CORIN: variants seen among roughly 807,000 people sequenced by gnomAD.
The protein encoded by CORIN is atrial natriuretic peptide-converting enzyme.
CORIN carries 117 observed loss-of-function variants against 125.3 expected under a neutral mutation model. The observed-to-expected ratio is 0.93, with a 90% confidence interval of 0.80 to 1.09. The LOEUF is 1.09. Ranked by LOEUF, CORIN falls within the 50% of genes least tolerant of loss-of-function variation. The probability of loss-of-function intolerance (pLI) is 0.00; values close to 1 mark genes in which losing one functional copy is unlikely to be tolerated. For missense variants in CORIN, 1,253 were observed against 1,306.7 expected, an observed-to-expected ratio of 0.96 and a Z score of 0.63; for synonymous variants, 450 against 466.4, an observed-to-expected ratio of 0.96 and a Z score of 0.45.
intron 1 of CORIN, among the ~76,000 whole-genome samples, chr4:47,823,839 C>T (rs1732624133): frequency 6.6e-6 from 1 of 152,200 alleles, no homozygotes; most frequent in African/African-American, 2.4e-5. Flanking sequence ...TCTGCCCTGG[C>T]TCTCCTATGC....
intron 3 of CORIN, among the ~76,000 whole-genome samples, chr4:47,777,560 G>T (rs1730356451): frequency 6.6e-6 from 1 of 152,210 alleles, no homozygotes; most frequent in South Asian, 2.1e-4. Context: ...GAACTCAGGA[G>T]GTGGAGGTTG....
At chr4:47,667,035 G>A (rs1034518429) in intron 10 of CORIN, among the ~76,000 whole-genome samples, 1 of 152,164 alleles carries the variant, frequency 6.6e-6, no homozygotes, top group African/African-American at 2.4e-5. Flanking sequence ...TTGTGGGAGG[G>A]AGCCAGTGGG....
chr4:47,765,204 G>C (rs576368041), intron 3 of CORIN, among the ~76,000 whole-genome samples: 3 of 151,828 alleles, frequency 2.0e-5, no homozygotes, highest in Non-Finnish European at 2.9e-5. Context: ...GCGTGGTGGC[G>C]GGAGGCTGAG....
At chr4:47,786,544 AAAC>A (rs969631959) in intron 3 of CORIN, among the ~76,000 whole-genome samples, 178 bp downstream of exon 3, 15 of 151,864 alleles carry the variant, frequency 9.9e-5, no homozygotes, top group Non-Finnish European at 1.6e-4. Context: ...TCCGCCTGAA[AAAC>A]AACAACAACA....
At chr4:47,688,337 C>T (rs755964001) in intron 6 of CORIN, among the ~76,000 whole-genome samples, 20 of 152,252 alleles carry the variant, frequency 1.3e-4, no homozygotes, top group South Asian at 1.2e-3. Context: ...CAGTGGTTCA[C>T]GCCGGTAATC....
At chr4:47,785,364 A>G (rs572048634) in intron 3 of CORIN, among the ~76,000 whole-genome samples, 2 of 152,142 alleles carry the variant, frequency 1.3e-5, no homozygotes, top group Non-Finnish European at 2.9e-5. Flanking sequence ...CACATTCCAG[A>G]GCATATCATC....
intron 1 of CORIN, chr4:47,837,593 C>T: frequency 1.9e-6 from 1 of 535,274 alleles, no homozygotes; most frequent in South Asian, 2.2e-5. Context: ...GCATGGAGAC[C>T]GGGGTCTCCG....
intron 3 of CORIN, among the ~76,000 whole-genome samples, chr4:47,770,294 C>T: frequency 6.6e-6 from 1 of 151,986 alleles, no homozygotes; most frequent in East Asian, 1.9e-4. Flanking sequence ...CAAATTAAAA[C>T]CATAATGAGC....
At chr4:47,800,106 G>A (rs887560435) in intron 2 of CORIN, among the ~76,000 whole-genome samples, 12 of 152,074 alleles carry the variant, frequency 7.9e-5, no homozygotes, top group Non-Finnish European at 1.0e-4. Context: ...GAGAGATTGC[G>A]TGGTAGCTAA....
At chr4:47,790,593 T>A (rs1249308570) in intron 2 of CORIN, among the ~76,000 whole-genome samples, 1 of 152,150 alleles carries the variant, frequency 6.6e-6, no homozygotes, top group Non-Finnish European at 1.5e-5. Flanking sequence ...AACATTGGGA[T>A]CAAATCAGTC....
chr4:47,774,122 G>A lies in CORIN; in HGVS notation c.410-10536C>T, dbSNP rs550414497. 9.4e-4 allele frequency among the ~76,000 whole-genome samples: 143 copies of A among 152,214 alleles called. 2 individuals are homozygous for A. The highest frequency in any genetic ancestry group is 3.4e-3 in the Middle Eastern group (1 of 294). ...ATAAAACTTGTCTATAAAATTATCT[G>A]GGATTTTAAAATAAATTTTTAAAAG... On this transcript the variant is annotated intron_variant, in intron 3 of 21. Coordinates refer to ENST00000273857, the MANE Select transcript of CORIN (RefSeq NM_006587.4).
chr4:47,833,343 A>G (rs1263329613), intron 1 of CORIN, among the ~76,000 whole-genome samples: 1 of 152,178 alleles, frequency 6.6e-6, no homozygotes, highest in Non-Finnish European at 1.5e-5. Context: ...CTGGCTACAC[A>G]TATGCAAAAG....
chr4:47,725,156 T>C (rs1206588449), intron 5 of CORIN, among the ~76,000 whole-genome samples: 1 of 152,166 alleles, frequency 6.6e-6, no homozygotes, highest in Non-Finnish European at 1.5e-5. Flanking sequence ...ACCAAGTTCA[T>C]GGTTTGAAAG....
At position 47,596,082 on chromosome 4, in the gene CORIN, A is replaced by C. The variant is rs551349520; in HGVS notation, c.2947-179T>G. ...TTTCCACTGTAAAAACAGAACTTTC[A>C]AATAAACATCTTAAACTCTGATCAT... On this transcript the variant is annotated intron_variant, in intron 21 of 21. Transcript: ENST00000273857. Among the ~76,000 whole-genome samples the C allele has an allele frequency of 2.0e-4, 30 of 152,330 alleles. No individual in the cohort carries two copies. The South Asian group carries it at 5.6e-3, about 28-fold the overall frequency.
chr4:47,751,439 C>G (rs370904817), intron 4 of CORIN, among the ~76,000 whole-genome samples: 1 of 152,130 alleles, frequency 6.6e-6, no homozygotes, highest in Non-Finnish European at 1.5e-5. Context: ...CCTAAAAATC[C>G]GTCAAATCCA....
At chr4:47,668,745 C>G (rs1347735238) in intron 10 of CORIN, among the ~76,000 whole-genome samples, 1 of 152,144 alleles carries the variant, frequency 6.6e-6, no homozygotes, top group Non-Finnish European at 1.5e-5. Context: ...GAGAATGTAT[C>G]ACTTTTGATT....
chr4:47,757,367 G>A (rs1370923007), intron 4 of CORIN, among the ~76,000 whole-genome samples: 1 of 152,086 alleles, frequency 6.6e-6, no homozygotes, highest in Non-Finnish European at 1.5e-5. Flanking sequence ...GCTGAGGTGG[G>A]TGGATCACTT....
intron 1 of CORIN, among the ~76,000 whole-genome samples, chr4:47,809,459 C>A (rs1196920755): frequency 7.4e-6 from 1 of 135,732 alleles, no homozygotes; most frequent in African/African-American, 3.0e-5. Context: ...GGCTGGAGTG[C>A]AGTGGCACAA....
At position 47,595,663 on chromosome 4, in the gene CORIN, G is replaced by A. The variant is rs543507992; in HGVS notation, c.*58C>T. The A allele has an allele frequency of 5.6e-6, 8 of 1,431,170 alleles. No homozygotes were observed. The African/African-American group carries it at 8.6e-5, about 15-fold the overall frequency. The allele number at this position is 1,431,170 out of a possible 1,614,324, so 88.7% of individuals were successfully genotyped here. A position where few individuals can be genotyped will look rare whatever the true frequency, so the allele number is the denominator to read the frequency against. On this transcript the variant is annotated 3_prime_UTR_variant, in exon 22 of 22. Transcript: ENST00000273857. ...AGCTCTCTGCAGGCAGCTCTTCACAGTCAAGAAGGCCATTTTCTTTTAGTG... is the reference window on the plus strand; with the variant it reads ...AGCTCTCTGCAGGCAGCTCTTCACAATCAAGAAGGCCATTTTCTTTTAGTG...
Sources: allele counts gnomAD v4.1 joint callset (sites outside exome capture counted in the v4.1 genomes callset), GRCh38; gene constraint gnomAD v4.1.1; transcripts MANE v1.5; gene names NCBI Gene and HGNC (gene_info 2026-07-23, HGNC 2026-07-21).